FARS2: variants seen among roughly 807,000 people sequenced by gnomAD.
The protein encoded by FARS2 is phenylalanyl-tRNA synthetase 2, mitochondrial.
FARS2 carries 40 observed loss-of-function variants against 46.4 expected under a neutral mutation model. The ratio of observed to expected loss-of-function variants is 0.86; its 90% confidence interval spans 0.67 to 1.12. The LOEUF is 1.12. Ranked by LOEUF, FARS2 falls within the 50% of genes most tolerant of loss-of-function variation. FARS2 has a pLI of 0.00. For missense variants in FARS2, 513 were observed against 567.9 expected, an observed-to-expected ratio of 0.90 and a Z score of 0.98; for synonymous variants, 234 against 214.9, an observed-to-expected ratio of 1.09 and a Z score of -0.78.
Position 5,368,990 on chromosome 6 carries a change from G to C in FARS2, c.420G>C (p.Lys140Asn), listed in dbSNP as rs749929422. 1 of 1,614,066 alleles carries C rather than the reference G, an allele frequency of 6.2e-7. No individual in the cohort carries two copies. The highest frequency in any genetic ancestry group is 8.5e-7 in the Non-Finnish European group (1 of 1,180,034). The change falls in exon 2 of 7, where the codon AAG (lysine) becomes AAC (asparagine). Residue 140 changes from lysine to asparagine, a missense_variant. Physicochemically the swap from Lys to Asn is moderately conservative, Grantham distance 94. Transcript: ENST00000274680. ...CAGCTGATCACCCCAGCAGGAAGAAGGGGGACAACTATTACCTGAATCGGA... is the reference window on the plus strand; with the variant it reads ...CAGCTGATCACCCCAGCAGGAAGAACGGGGACAACTATTACCTGAATCGGA... ...LIPADHPSRK[K>N]GDNYYLNRTH...
intron 4 of FARS2, among the ~76,000 whole-genome samples, chr6:5,488,710 C>T (rs867017417): frequency 9.3e-5 from 14 of 150,408 alleles, no homozygotes; most frequent in South Asian, 8.4e-4. Flanking sequence ...GAACTTCAGC[C>T]ATTATCTTTG....
At chr6:5,461,112 C>T (rs954224674) in intron 4 of FARS2, among the ~76,000 whole-genome samples, 2 of 151,478 alleles carry the variant, frequency 1.3e-5, no homozygotes, top group African/African-American at 2.4e-5. Context: ...GATCTCAGCT[C>T]ACTGGAACCT....
chr6:5,502,894 G>A (rs929047668), intron 4 of FARS2, among the ~76,000 whole-genome samples: 1 of 152,024 alleles, frequency 6.6e-6, no homozygotes, highest in Non-Finnish European at 1.5e-5. Context: ...CAGTTAATTC[G>A]AATTTTTTTT....
intron 6 of FARS2, among the ~76,000 whole-genome samples, chr6:5,686,005 G>C (rs1276783744): frequency 1.3e-5 from 2 of 152,188 alleles, no homozygotes; most frequent in East Asian, 3.9e-4. Flanking sequence ...CCCACGTGAA[G>C]GGTGAAAATG....
chr6:5,428,836 G>A (rs972217900), intron 3 of FARS2, among the ~76,000 whole-genome samples: 3 of 152,130 alleles, frequency 2.0e-5, no homozygotes, highest in Admixed American at 6.5e-5. Context: ...GTTCTCCAAC[G>A]GCCTGCAACA....
intron 5 of FARS2, among the ~76,000 whole-genome samples, chr6:5,573,602 TCAGA>T (rs1363140816): frequency 6.6e-6 from 1 of 152,138 alleles, no homozygotes; most frequent in Non-Finnish European, 1.5e-5. Context: ...TAGGCCGCAT[TCAGA>T]CATTCTATCC....
chr6:5,630,804 C>A lies in FARS2; in HGVS notation c.1217+17484C>A, dbSNP rs1290867841. On this transcript the variant is annotated intron_variant, in intron 6 of 6. Transcript: ENST00000274680. The surrounding 1 kb of genome is among the most constrained non-coding windows in gnomAD (Gnocchi z 4.2). The stretch of plus-strand genomic sequence containing the variant: ...ACAAGCCTCATTAAATTCACTTCAT[C>A]AAGTAAAGCCGGTGTGTCTAACTTA... Among the ~76,000 whole-genome samples, 1 of 152,206 alleles carries A rather than the reference C, an allele frequency of 6.6e-6. No individual in the cohort carries two copies. Among genetic ancestry groups the A allele is most frequent in the African/African-American group, 2.4e-5 (1 of 41,456 alleles).
chr6:5,511,667 G>A (rs972078534), intron 4 of FARS2, among the ~76,000 whole-genome samples: 8 of 152,216 alleles, frequency 5.3e-5, no homozygotes, highest in Non-Finnish European at 1.0e-4. Flanking sequence ...GCTATTGGAG[G>A]AAAAGGGTCA....
intron 1 of FARS2, among the ~76,000 whole-genome samples, chr6:5,275,905 T>C (rs1384197676): frequency 6.6e-6 from 1 of 152,218 alleles, no homozygotes. Flanking sequence ...AATTTTATAT[T>C]ATCTTAAGCT....
chr6:5,768,959 TA>T (rs370726597), intron 6 of FARS2, among the ~76,000 whole-genome samples: 34 of 152,198 alleles, frequency 2.2e-4, no homozygotes, highest in African/African-American at 8.2e-4. Context: ...TGCCTTGAAT[TA>T]AAAAAAATGC....
At chr6:5,432,314 TAAAAAA>T (rs775731412) in intron 4 of FARS2, among the ~76,000 whole-genome samples, 29,702 of 97,440 alleles carry the variant, frequency 0.3, 4,944 homozygotes, top group East Asian at 0.46. Context: ...CACTCAGTCT[TAAAAAA>T]AAAAAAAATA....
chr6:5,539,407 T>TA (rs771563949), intron 4 of FARS2, among the ~76,000 whole-genome samples: 22,900 of 143,098 alleles, frequency 0.16, 2,851 homozygotes, highest in Non-Finnish European at 0.24. Flanking sequence ...TATGTATATA[T>TA]TTTTTTAGTA....
intron 5 of FARS2, among the ~76,000 whole-genome samples, chr6:5,574,585 AT>A (rs1772851380): frequency 6.6e-6 from 1 of 152,222 alleles, no homozygotes; most frequent in Non-Finnish European, 1.5e-5. Flanking sequence ...GATTTTGTGT[AT>A]CTGTGTGTGT....
chr6:5,490,489 A>G (rs1044633329), intron 4 of FARS2, among the ~76,000 whole-genome samples: 2 of 152,198 alleles, frequency 1.3e-5, no homozygotes, highest in African/African-American at 4.8e-5. Context: ...TTTTAAAGCA[A>G]CTGTACCATT....
At chr6:5,363,597 A>C (rs565986969) in intron 1 of FARS2, among the ~76,000 whole-genome samples, 1 of 152,304 alleles carries the variant, frequency 6.6e-6, no homozygotes, top group South Asian at 2.1e-4. Flanking sequence ...TCTACTCTCA[A>C]GAACCACACA....
intron 2 of FARS2, among the ~76,000 whole-genome samples, chr6:5,381,615 C>T (rs1759797732): frequency 1.3e-5 from 2 of 152,202 alleles, no homozygotes; most frequent in African/African-American, 4.8e-5. Context: ...AATCCTCTCT[C>T]TTTCCACATC....
chr6:5,315,423 T>C (rs901103096), intron 1 of FARS2, among the ~76,000 whole-genome samples: 3 of 152,196 alleles, frequency 2.0e-5, no homozygotes, highest in Non-Finnish European at 4.4e-5. Context: ...GACATTTTGG[T>C]CTGTTGACAT....
At chr6:5,466,078 T>G (rs913620300) in intron 4 of FARS2, among the ~76,000 whole-genome samples, 1 of 152,302 alleles carries the variant, frequency 6.6e-6, no homozygotes, top group African/African-American at 2.4e-5. Flanking sequence ...ACACAACACC[T>G]GTGTAGTTCT....
At chr6:5,498,878 G>C (rs1006008048) in intron 4 of FARS2, among the ~76,000 whole-genome samples, 1 of 152,172 alleles carries the variant, frequency 6.6e-6, no homozygotes, top group African/African-American at 2.4e-5. Flanking sequence ...CAAGGCAGTT[G>C]CATTTCCATT....
Sources: gnomAD v4.1 joint callset for allele counts (sites outside exome capture counted in the v4.1 genomes callset) on GRCh38, gnomAD v4.1.1 for gene constraint, Gnocchi (gnomAD v3.1) non-coding constraint, MANE v1.5 for transcripts, NCBI Gene and HGNC (gene_info 2026-07-23, HGNC 2026-07-21) for gene names.